Variants in KRR1 observed in about 807,000 individuals in gnomAD.
The protein encoded by KRR1 is KRR1 small subunit processome component.
In KRR1, 23 loss-of-function variants were observed where a neutral mutation model predicts 50.0. The observed-to-expected ratio is 0.46, with a 90% CI of 0.33 to 0.65. KRR1 has a LOEUF of 0.65. KRR1 is among the 30% of genes least tolerant of loss of function. The probability of loss-of-function intolerance (pLI) is 0.02; values close to 1 mark genes in which losing one functional copy is unlikely to be tolerated. For synonymous variants in KRR1, 133 were observed against 146.3 expected (o/e 0.91, Z 0.66); for missense variants, 419 against 442.4 (o/e 0.95, Z 0.47).
chr12:75,499,048 A>C lies in KRR1; in HGVS notation c.*761T>G. On this transcript the variant is annotated 3_prime_UTR_variant, in exon 10 of 10. Transcript: ENST00000229214. ...TATGGCTTTTTTTTTAACCAATAACAATTAGGTGTACTTCTATTTTAAAAC... is the reference window on the plus strand; with the variant it reads ...TATGGCTTTTTTTTTAACCAATAACCATTAGGTGTACTTCTATTTTAAAAC... 1 of 948,770 alleles carries C rather than the reference A, an allele frequency of 1.1e-6. No individual in the cohort carries two copies. 58.8% of individuals were successfully genotyped at this position (948,770 alleles called of 1,614,324 possible).
intron 5 of KRR1, 36 bp downstream of exon 5, chr12:75,506,277 TCTG>T (rs1203828008): frequency 1.6e-6 from 2 of 1,256,290 alleles, no homozygotes; most frequent in African/African-American, 3.0e-5. Context: ...TTATTTGTTC[TCTG>T]CTGAAAATGA....
chr12:75,495,586 C>A lies in KRR1; in HGVS notation c.*4223G>T, dbSNP rs1363582221. The A allele has an allele frequency of 8.1e-6, 13 of 1,599,568 alleles. No homozygotes were observed. The highest frequency in any genetic ancestry group is 1.1e-5 in the Non-Finnish European group (13 of 1,167,036). On this transcript the variant is annotated 3_prime_UTR_variant, in exon 10 of 10. Transcript: ENST00000229214. ...TTCTTCTGCTTTACAGAGGGAATTA[C>A]CCAACTTGGCCATATAAGAGAGGAG...
rs372960188 is a variant in KRR1 at position 75,506,920 on chromosome 12, C to T, written c.259-4G>A. On this transcript the variant is annotated splice_region_variant and splice_polypyrimidine_tract_variant and intron_variant, in intron 2 of 9. Coordinates refer to ENST00000229214, the MANE Select transcript of KRR1 (RefSeq NM_007043.7). ...GGTCCAGGGTTGCATTAACATGCTA[C>T]AGAAGGAAAGAGCAAACAAGCAGTT... is the stretch of plus-strand genomic sequence containing the variant. The T allele has an allele frequency of 1.0e-4, 161 of 1,586,190 alleles. No homozygotes were observed. The African/African-American group carries it at 2.0e-3, about 20-fold the overall frequency.
rs184880712 is a variant in KRR1, at chr12:75,493,381, C to T, written c.*6428G>A. ...ACATAATCTTAGGAAGTCCAGTATC[C>T]TCCTCAATATTTCTGATACCTCAGA... On this transcript the variant is annotated 3_prime_UTR_variant, in exon 10 of 10. Transcript: ENST00000229214. 1.3e-5 allele frequency: 2 copies of T among 152,098 alleles called. No homozygotes were observed. Among genetic ancestry groups the T allele is most frequent in the Non-Finnish European group, 2.9e-5 (2 of 68,034 alleles). 9.4% of individuals were successfully genotyped at this position (152,098 alleles called of 1,614,324 possible).
intron 6 of KRR1, chr12:75,504,288 T>C (rs910605013): frequency 1.5e-5 from 5 of 334,788 alleles, no homozygotes; most frequent in African/African-American, 8.5e-5. Context: ...AAATGCAGAA[T>C]TGTTAAAATG....
rs1290092485 is a variant in KRR1 at position 75,492,786 on chromosome 12, T to C, written c.*7023A>G. On this transcript the variant is annotated 3_prime_UTR_variant, in exon 10 of 10. Transcript: ENST00000229214. Reference sequence around the variant, plus strand: ...GAGAACAGGGCAGTCTCTGTCTTTATGAGAGTAATATTTATGGGGCAAACA... The same window carrying C: ...GAGAACAGGGCAGTCTCTGTCTTTACGAGAGTAATATTTATGGGGCAAACA... The C allele has an allele frequency of 6.6e-6, 1 of 152,228 alleles. No individual in the cohort carries two copies. The highest frequency in any genetic ancestry group is 1.5e-5 in the Non-Finnish European group (1 of 68,040). The allele number at this position is 152,228 out of a possible 1,614,324, so 9.4% of individuals were successfully genotyped here. A position where few individuals can be genotyped will look rare whatever the true frequency, so the allele number is the denominator to read the frequency against.
chr12:75,494,749 GC>G lies in KRR1; in HGVS notation c.*5059del, dbSNP rs1464567655. ...ATGGCAGGTTCATTGAGATAAATGT[GC>G]CCCCTCTCCCCATTACTACTATGAG... On this transcript the variant is annotated 3_prime_UTR_variant, in exon 10 of 10. Coordinates refer to ENST00000229214, the MANE Select transcript of KRR1 (RefSeq NM_007043.7). 6.6e-6 allele frequency: 1 copy of G among 152,090 alleles called. No homozygotes were observed. The highest frequency in any genetic ancestry group is 1.5e-5 in the Non-Finnish European group (1 of 68,020). The allele number at this position is 152,090 out of a possible 1,614,324, so 9.4% of individuals were successfully genotyped here. A position where few individuals can be genotyped will look rare whatever the true frequency, so the allele number is the denominator to read the frequency against.
At position 75,495,997 on chromosome 12, in the gene KRR1, G is replaced by GTTTTTTTTTTTT. The variant is rs370713345; in HGVS notation, c.*3811_*3812insAAAAAAAAAAAA. 1 of 132,126 alleles carries GTTTTTTTTTTTT rather than the reference G, an allele frequency of 7.6e-6. No homozygotes were observed. The highest frequency in any genetic ancestry group is 1.6e-5 in the Non-Finnish European group (1 of 64,254). 8.2% of individuals were successfully genotyped at this position (132,126 alleles called of 1,614,324 possible). A position where few individuals can be genotyped will look rare whatever the true frequency, so the allele number is the denominator to read the frequency against. ...TCCAAACAAACAGAATTCTGTTTTC[G>GTTTTTTTTTTTT]TTTTTTTTTTTGTTTTTTTTTTTTG... is the stretch of plus-strand genomic sequence containing the variant. On this transcript the variant is annotated 3_prime_UTR_variant, in exon 10 of 10. Transcript: ENST00000229214.
chr12:75,503,841 G>C, intron 7 of KRR1, 63 bp downstream of exon 7: 2 of 1,420,992 alleles, frequency 1.4e-6, no homozygotes, highest in Non-Finnish European at 1.9e-6. Context: ...TTTCAATAAA[G>C]TTTCTGACCA....
chr12:75,511,347 C>A (rs1347835270), intron 1 of KRR1, among the ~76,000 whole-genome samples, 166 bp downstream of exon 1: 1 of 152,200 alleles, frequency 6.6e-6, no homozygotes, highest in African/African-American at 2.4e-5. Context: ...ACCATATCGG[C>A]CAGCCGTTCC....
In KRR1 at chr12:75,506,954, A is replaced by G. The variant is rs201881252; in HGVS notation, c.259-38T>C. 1.3e-3 allele frequency: 2,021 copies of G among 1,548,578 alleles called. 5 individuals are homozygous for G. Among genetic ancestry groups the G allele is most frequent in the Non-Finnish European group, 1.6e-3 (1,839 of 1,155,012 alleles). ...AGAGCAAACAAGCAGTTGTCTAAAA[A>G]TGAGTTTTTTTAGATAATTATAAAG... On this transcript the variant is annotated intron_variant, in intron 2 of 9. Coordinates refer to ENST00000229214, the MANE Select transcript of KRR1 (RefSeq NM_007043.7).
rs374297882 is a variant in KRR1, at chr12:75,499,900, T to C, written c.1055A>G (p.Lys352Arg). ...AGCTCCCAGTTTCTTATTCTTTGCTTTCTTAACCTTTTCCTTGATGCTGGC... is the reference window on the plus strand; with the variant it reads ...AGCTCCCAGTTTCTTATTCTTTGCTCTCTTAACCTTTTCCTTGATGCTGGC... ...DVASIKEKVK[K>R]AKNKKLGALT... The change falls in exon 10 of 10, where the codon AAA (lysine) becomes AGA (arginine). Residue 352 changes from lysine (K) to arginine (R), a missense_variant. Coordinates refer to ENST00000229214, the MANE Select transcript of KRR1 (RefSeq NM_007043.7). 2.5e-6 allele frequency: 4 copies of C among 1,609,972 alleles called. No individual in the cohort carries two copies. Among genetic ancestry groups the C allele is most frequent in the Non-Finnish European group, 3.4e-6 (4 of 1,178,324 alleles).
intron 1 of KRR1, 50 bp downstream of exon 1, chr12:75,511,463 C>T (rs753318895): frequency 1.5e-5 from 23 of 1,501,656 alleles, no homozygotes; most frequent in Non-Finnish European, 1.9e-5. Context: ...AAAAAAACAT[C>T]GCAACTCAAC....
chr12:75,491,899 C>A lies in KRR1; in HGVS notation c.*7910G>T, dbSNP rs1269599196. ...TTCCTGGAGATTGGCTGAAAGAAAGCCATTTCCCTGGTGTAATGTGCAGAA... is the reference window on the plus strand; with the variant it reads ...TTCCTGGAGATTGGCTGAAAGAAAGACATTTCCCTGGTGTAATGTGCAGAA... On this transcript the variant is annotated 3_prime_UTR_variant, in exon 10 of 10. Coordinates refer to ENST00000229214, the MANE Select transcript of KRR1 (RefSeq NM_007043.7). The A allele has an allele frequency of 6.6e-6, 1 of 152,034 alleles. No homozygotes were observed. Among genetic ancestry groups the A allele is most frequent in the Admixed American group, 6.6e-5 (1 of 15,256 alleles). 9.4% of individuals were successfully genotyped at this position (152,034 alleles called of 1,614,324 possible).
intron 1 of KRR1, 45 bp from the exon 2 acceptor site, chr12:75,508,491 T>C (rs756095523): frequency 1.4e-6 from 2 of 1,434,646 alleles, no homozygotes. Context: ...AACTGTCTTT[T>C]GGACATACAC....
In KRR1 at chr12:75,491,822, C is replaced by T. The variant is rs1028144421; in HGVS notation, c.*7987G>A. The T allele has an allele frequency of 1.3e-5, 2 of 151,984 alleles. No individual in the cohort carries two copies. Among genetic ancestry groups the T allele is most frequent in the African/African-American group, 4.8e-5 (2 of 41,404 alleles). 9.4% of individuals were successfully genotyped at this position (151,984 alleles called of 1,614,324 possible). On this transcript the variant is annotated 3_prime_UTR_variant, in exon 10 of 10. Coordinates refer to ENST00000229214, the MANE Select transcript of KRR1 (RefSeq NM_007043.7). ...GTTTTTATATTTTAAAGGTTTTTAA[C>T]CATTTGCAATATATATAATGATCTT... is the stretch of plus-strand genomic sequence containing the variant.
chr12:75,509,897 T>A (rs2046439282), intron 1 of KRR1, among the ~76,000 whole-genome samples: 1 of 151,932 alleles, frequency 6.6e-6, no homozygotes, highest in Admixed American at 6.6e-5. Flanking sequence ...TTACTTACAA[T>A]GTTTACCTGA....
rs1049203286 is a variant in KRR1 at position 75,498,714 on chromosome 12, G to C, written c.*1095C>G. On this transcript the variant is annotated 3_prime_UTR_variant, in exon 10 of 10. Transcript: ENST00000229214. ...TACAGTTAACCGACAGCGAGACCAA[G>C]TCAAACGTACGTACATCAATCTTAA... 2 of 1,612,760 alleles carry C rather than the reference G, an allele frequency of 1.2e-6. No homozygotes were observed. Among genetic ancestry groups the C allele is most frequent in the African/African-American group, 2.7e-5 (2 of 74,778 alleles).
Position 75,499,254 on chromosome 12 carries a change from C to G in KRR1, c.*555G>C, listed in dbSNP as rs781625494. The G allele has an allele frequency of 1.6e-5, 4 of 248,624 alleles. No homozygotes were observed. The highest frequency in any genetic ancestry group is 3.0e-5 in the Non-Finnish European group (4 of 131,844). 15.4% of individuals were successfully genotyped at this position (248,624 alleles called of 1,614,324 possible). A position where few individuals can be genotyped will look rare whatever the true frequency, so the allele number is the denominator to read the frequency against. On this transcript the variant is annotated 3_prime_UTR_variant, in exon 10 of 10. Coordinates refer to ENST00000229214, the MANE Select transcript of KRR1 (RefSeq NM_007043.7). ...CTAAATCTGCAAAATGAGCAAGGTA[C>G]AGTAGCACATTTTTAGGTGATTCTT...
Sources: allele counts gnomAD v4.1 joint callset (sites outside exome capture counted in the v4.1 genomes callset), GRCh38; gene constraint gnomAD v4.1.1; transcripts MANE v1.5; gene names NCBI Gene and HGNC (gene_info 2026-07-23, HGNC 2026-07-21).